TBC1D24: variants seen among roughly 807,000 people sequenced by gnomAD.
TBC1D24 encodes Infantile myoclonic epilepsy.
TBC1D24 carries 47 observed loss-of-function variants against 50.7 expected under a neutral mutation model. The observed-to-expected ratio is 0.93, with a 90% CI of 0.73 to 1.18. TBC1D24 has a LOEUF of 1.18. Among genes scored for constraint, TBC1D24 ranks in the 50% most tolerant of loss-of-function variants. The probability of loss-of-function intolerance (pLI) is 0.00; values close to 1 mark genes in which losing one functional copy is unlikely to be tolerated. For synonymous variants in TBC1D24, 324 were observed against 335.2 expected (o/e 0.97, Z 0.36); for missense variants, 688 against 766.5 (o/e 0.90, Z 1.21).
chr16:2,490,989 G>C (rs1223691183), intron 1 of TBC1D24, among the ~76,000 whole-genome samples: 1 of 152,190 alleles, frequency 6.6e-6, no homozygotes, highest in Non-Finnish European at 1.5e-5. Context: ...AAAGCCACTC[G>C]GCCGTGAAAG....
rs1440516080 is a variant in TBC1D24, at chr16:2,475,829, G to T, written c.-116+659G>T. On this transcript the variant is annotated intron_variant, in intron 1 of 7. Coordinates refer to ENST00000646147, the MANE Select transcript of TBC1D24 (RefSeq NM_001199107.2). This position sits in a 1 kb window ranked among gnomAD's most constrained non-coding sequence, Gnocchi z 4.2. ...CCTGGGCTGGGCTGCACCTGTTCCC[G>T]CCCCCTCCAGGCGGGAGTCCCCGCG... Among the ~76,000 whole-genome samples, 3 of 152,214 alleles carry T rather than the reference G, an allele frequency of 2.0e-5. No homozygotes were observed. Among genetic ancestry groups the T allele is most frequent in the Non-Finnish European group, 2.9e-5 (2 of 68,026 alleles).
chr16:2,494,360 C>T (rs113480613), intron 1 of TBC1D24, among the ~76,000 whole-genome samples: 49,101 of 150,438 alleles, frequency 0.33, 9,933 homozygotes, highest in East Asian at 0.66. Flanking sequence ...TGCAGTGAGC[C>T]GAGATTACGC....
intron 1 of TBC1D24, chr16:2,484,757 G>A (rs939257189): frequency 6.6e-6 from 1 of 152,348 alleles, no homozygotes; most frequent in Non-Finnish European, 1.5e-5. Flanking sequence ...CAGGAGGAGT[G>A]TCTGCACTTT....
intron 3 of TBC1D24, 140 bp from the exon 4 acceptor site, chr16:2,498,098 G>T: frequency 8.8e-7 from 1 of 1,134,604 alleles, no homozygotes; most frequent in Non-Finnish European, 1.3e-6. Context: ...CCTAGAACCC[G>T]GCCCTAAACC....
chr16:2,500,602 G>C lies in TBC1D24; in HGVS notation c.1525+112G>C. On this transcript the variant is annotated intron_variant, in intron 7 of 7. Transcript: ENST00000646147. This position sits in a 1 kb window ranked among gnomAD's most constrained non-coding sequence, Gnocchi z 8.0. ...GGCAGAGAAGAGGCCCTGGGTGTCAGGGTGGACCAGGCATGATGGGTGGGA... is the reference window on the plus strand; with the variant it reads ...GGCAGAGAAGAGGCCCTGGGTGTCACGGTGGACCAGGCATGATGGGTGGGA... 7.5e-7 allele frequency: 1 copy of C among 1,329,638 alleles called. No homozygotes were observed. The highest frequency in any genetic ancestry group is 1.0e-6 in the Non-Finnish European group (1 of 977,510). 82.4% of individuals were successfully genotyped at this position (1,329,638 alleles called of 1,614,324 possible). A position where few individuals can be genotyped will look rare whatever the true frequency, so the allele number is the denominator to read the frequency against.
At chr16:2,498,102 C>A in intron 3 of TBC1D24, 136 bp from the exon 4 acceptor site, 1 of 1,224,660 alleles carries the variant, frequency 8.2e-7, no homozygotes, top group Non-Finnish European at 1.1e-6. Context: ...GAACCCGGCC[C>A]TAAACCGGGG....
chr16:2,500,825 T>TC lies in TBC1D24; in HGVS notation c.1548dup (p.Tyr517LeufsTer41). On this transcript the variant is annotated frameshift_variant, in exon 8 of 8. Transcript: ENST00000646147. LOFTEE classifies it high-confidence loss of function. This position sits in a 1 kb window ranked among gnomAD's most constrained non-coding sequence, Gnocchi z 8.0. ...GCAGGGGGAGGAGGCGGCCAGGCGC[T>TC]CTACATCGATGGGGACCTGAACCGG... The TC allele has an allele frequency of 6.2e-7, 1 of 1,607,378 alleles. No individual in the cohort carries two copies. The highest frequency in any genetic ancestry group is 8.5e-7 in the Non-Finnish European group (1 of 1,179,824).
chr16:2,479,436 C>G (rs1385157035), intron 1 of TBC1D24: 1 of 152,262 alleles, frequency 6.6e-6, no homozygotes, highest in Non-Finnish European at 1.5e-5. Flanking sequence ...CTGCAGAGCC[C>G]TCAGGGGCAC....
chr16:2,505,581 C>G lies in TBC1D24; in HGVS notation c.*4623C>G, dbSNP rs1371249071. 1 of 152,102 alleles carries G rather than the reference C, an allele frequency of 6.6e-6. No homozygotes were observed. Among genetic ancestry groups the G allele is most frequent in the Non-Finnish European group, 1.5e-5 (1 of 68,026 alleles). The allele number at this position is 152,102 out of a possible 1,614,324, so 9.4% of individuals were successfully genotyped here. A position where few individuals can be genotyped will look rare whatever the true frequency, so the allele number is the denominator to read the frequency against. On this transcript the variant is annotated 3_prime_UTR_variant, in exon 8 of 8. Coordinates refer to ENST00000646147, the MANE Select transcript of TBC1D24 (RefSeq NM_001199107.2). ...TTATTGGACTGATGCTTTGGAGCCT[C>G]TCAATGAATGTAATAAAAAAAATGT...
rs113857407 is a variant in TBC1D24 at position 2,499,803 on chromosome 16, C to A, written c.1207-32C>A. On this transcript the variant is annotated intron_variant, in intron 5 of 7. Transcript: ENST00000646147. The surrounding 1 kb of genome is among the most constrained non-coding windows in gnomAD (Gnocchi z 4.0). The stretch of plus-strand genomic sequence containing the variant: ...GCACAGGGACGCTCCTGGGGGCCTG[C>A]GGGCACAGCCTCACCCAGACCTTTC... 3 of 1,587,878 alleles carry A rather than the reference C, an allele frequency of 1.9e-6. No homozygotes were observed. The highest frequency in any genetic ancestry group is 1.1e-5 in the South Asian group (1 of 90,572).
At chr16:2,495,472 CCT>C (rs2065729166) in intron 1 of TBC1D24, among the ~76,000 whole-genome samples, 1 of 152,048 alleles carries the variant, frequency 6.6e-6, no homozygotes, top group Non-Finnish European at 1.5e-5. Context: ...ATAGCGAGAC[CCT>C]GTCTCTACAA....
Position 2,503,687 on chromosome 16 carries a change from C to A in TBC1D24, c.*2729C>A, listed in dbSNP as rs902747699. ...TCTCCTGCCTCAGCCTCCTGAGTAG[C>A]TGGGATTACAGGCATACGCCACCAC... On this transcript the variant is annotated 3_prime_UTR_variant, in exon 8 of 8. Transcript: ENST00000646147. 2.0e-5 allele frequency: 3 copies of A among 151,870 alleles called. No homozygotes were observed. The highest frequency in any genetic ancestry group is 2.1e-4 in the South Asian group (1 of 4,830). 9.4% of individuals were successfully genotyped at this position (151,870 alleles called of 1,614,324 possible).
At chr16:2,498,876 A>G (rs1380472763) in intron 4 of TBC1D24, among the ~76,000 whole-genome samples, 6 of 152,230 alleles carry the variant, frequency 3.9e-5, no homozygotes, top group African/African-American at 1.2e-4. Flanking sequence ...TGAGGCAGGC[A>G]GAGCTGGTCC....
In TBC1D24 at chr16:2,496,340, C is replaced by T. The variant is rs878854271; in HGVS notation, c.192C>T (p.Cys64=). The change falls in exon 2 of 8, where the codon TGC becomes TGT. Residue 64 remains cysteine, a synonymous_variant. Coordinates refer to ENST00000646147, the MANE Select transcript of TBC1D24 (RefSeq NM_001199107.2). ...AGCGCCTGATCCGGGACATTCCCTGCCGCACGGTCACGCCTGACGCCAGCG... is the reference window on the plus strand; with the variant it reads ...AGCGCCTGATCCGGGACATTCCCTGTCGCACGGTCACGCCTGACGCCAGCG... ...VYQRLIRDIP[C]RTVTPDASVY... 1.9e-6 allele frequency: 3 copies of T among 1,613,596 alleles called. No individual in the cohort carries two copies. Among genetic ancestry groups the T allele is most frequent in the Non-Finnish European group, 1.7e-6 (2 of 1,180,032 alleles).
intron 1 of TBC1D24, chr16:2,476,779 C>G (rs773120502): frequency 1.3e-5 from 2 of 152,212 alleles, no homozygotes; most frequent in Admixed American, 1.3e-4. Flanking sequence ...GGTGACCTTC[C>G]GAGATGCAGA....
Position 2,499,299 on chromosome 16 carries a change from C to A in TBC1D24, c.1143-58C>A. ...AGACAGCTGGGGCCAGCGGAGGCTGCAGGAGGCGGCTGGGAGGGTGTGCAG... is the reference window on the plus strand; with the variant it reads ...AGACAGCTGGGGCCAGCGGAGGCTGAAGGAGGCGGCTGGGAGGGTGTGCAG... On this transcript the variant is annotated intron_variant, in intron 4 of 7. Coordinates refer to ENST00000646147, the MANE Select transcript of TBC1D24 (RefSeq NM_001199107.2). The surrounding 1 kb of genome is among the most constrained non-coding windows in gnomAD (Gnocchi z 4.0). 2 of 1,522,220 alleles carry A rather than the reference C, an allele frequency of 1.3e-6. No homozygotes were observed. Among genetic ancestry groups the A allele is most frequent in the Non-Finnish European group, 1.8e-6 (2 of 1,107,850 alleles). 94.3% of individuals were successfully genotyped at this position (1,522,220 alleles called of 1,614,324 possible).
chr16:2,499,571 C>T lies in TBC1D24; in HGVS notation c.1206+151C>T. ...GTGGGTATGGCCAGCACATGGGGCT[C>T]ATCCCACACTCAGGGCCACAAGGGG... On this transcript the variant is annotated intron_variant, in intron 5 of 7. Coordinates refer to ENST00000646147, the MANE Select transcript of TBC1D24 (RefSeq NM_001199107.2). The surrounding 1 kb of genome is among the most constrained non-coding windows in gnomAD (Gnocchi z 4.0). The T allele has an allele frequency of 2.6e-6, 2 of 779,852 alleles. No individual in the cohort carries two copies. The highest frequency in any genetic ancestry group is 1.5e-5 in the South Asian group (1 of 68,354). The allele number at this position is 779,852 out of a possible 1,614,324, so 48.3% of individuals were successfully genotyped here.
intron 1 of TBC1D24, chr16:2,481,240 G>A (rs970841107): frequency 2.0e-5 from 3 of 152,270 alleles, no homozygotes; most frequent in African/African-American, 7.2e-5. Context: ...AGCATGTCTT[G>A]AATGCCTATT....
chr16:2,500,303 G>C lies in TBC1D24; in HGVS notation c.1338G>C (p.Val446=), dbSNP rs1374806210. The stretch of plus-strand genomic sequence containing the variant: ...AGGTGCAGCGCTACGAGTGGGTGGT[G>C]ATCAAGCACCCCGAGCTGACCAAGC... ...QPEVQRYEWV[V]IKHPELTKPP... Residue 446 remains valine (V), a synonymous_variant, in exon 7 of 8, where the codon GTG becomes GTC. Coordinates refer to ENST00000646147, the MANE Select transcript of TBC1D24 (RefSeq NM_001199107.2). This position sits in a 1 kb window ranked among gnomAD's most constrained non-coding sequence, Gnocchi z 8.0. The C allele has an allele frequency of 6.2e-7, 1 of 1,610,338 alleles. No individual in the cohort carries two copies. Among genetic ancestry groups the C allele is most frequent in the African/African-American group, 1.3e-5 (1 of 74,852 alleles).
Sources: gnomAD v4.1 joint callset for allele counts (sites outside exome capture counted in the v4.1 genomes callset) on GRCh38, gnomAD v4.1.1 for gene constraint, Gnocchi (gnomAD v3.1) non-coding constraint, MANE v1.5 for transcripts, NCBI Gene and HGNC (gene_info 2026-07-23, HGNC 2026-07-21) for gene names.